The following VASH1 variants were observed in gnomAD, a reference collection of about 807,000 sequenced individuals.
The protein encoded by VASH1 is vasohibin 1, also known as tubulinyl-Tyr carboxypeptidase 1.
A neutral mutation model predicts 35.0 loss-of-function variants in VASH1; 16 were observed. The ratio of observed to expected loss-of-function variants is 0.46; its 90% confidence interval spans 0.31 to 0.70. VASH1 has a LOEUF of 0.70. VASH1 is among the 30% of genes least tolerant of loss of function. The pLI is 0.05. For missense variants in VASH1, 505 were observed against 510.7 expected (o/e 0.99, Z 0.11); for synonymous variants, 214 against 200.9 (o/e 1.07, Z -0.55).
chr14:76,770,346 G>A (rs1893759505), intron 2 of VASH1, among the ~76,000 whole-genome samples: 2 of 132,256 alleles, frequency 1.5e-5, no homozygotes, highest in African/African-American at 5.9e-5. Context: ...GTGACTTGCT[G>A]GTGGGGTGGC....
At chr14:76,775,556 G>A (rs1893913369) in intron 4 of VASH1, among the ~76,000 whole-genome samples, 2 of 152,268 alleles carry the variant, frequency 1.3e-5, no homozygotes, top group South Asian at 2.1e-4. Flanking sequence ...AGTGAGGCAG[G>A]GGAGGGAAGG....
chr14:76,771,740 C>T (rs1221632024), intron 3 of VASH1, among the ~76,000 whole-genome samples: 2 of 152,204 alleles, frequency 1.3e-5, no homozygotes, highest in Non-Finnish European at 2.9e-5. Flanking sequence ...AGGGTCTGAG[C>T]ACAGGGAGCT....
Position 76,762,866 on chromosome 14 carries a change from C to T in VASH1, c.45C>T (p.Ala15=), listed in dbSNP as rs1163700127. ...KKVAGGGSSG[A]TPTSAAATAP... is the part of the protein sequence containing the mutation. ...TGGCTGGGGGTGGCAGCAGCGGTGC[C>T]ACTCCAACGTCCGCTGCGGCCACCG... Residue 15 remains alanine (A), a synonymous_variant, in exon 1 of 7, where the codon GCC becomes GCT. Coordinates refer to ENST00000167106, the MANE Select transcript of VASH1 (RefSeq NM_014909.5). 3 of 1,535,878 alleles carry T rather than the reference C, an allele frequency of 2.0e-6. No homozygotes were observed. Among genetic ancestry groups the T allele is most frequent in the Non-Finnish European group, 2.6e-6 (3 of 1,140,742 alleles).
In VASH1 at chr14:76,776,990, G is replaced by A. The variant is rs141245969; in HGVS notation, c.912+717G>A. Among the ~76,000 whole-genome samples the A allele has an allele frequency of 4.8e-3, 731 of 152,276 alleles. 4 individuals are homozygous for A. The highest frequency in any genetic ancestry group is 6.9e-3 in the Non-Finnish European group (467 of 68,004). On this transcript the variant is annotated intron_variant, in intron 5 of 6. Coordinates refer to ENST00000167106, the MANE Select transcript of VASH1 (RefSeq NM_014909.5). ...TGACAGCCCTGGGAGGCCAGCGGGC[G>A]GTAGGTGGTAGCTCCATTTTCAGGG...
intron 1 of VASH1, 73 bp from the exon 2 acceptor site, chr14:76,769,890 C>A: frequency 6.6e-7 from 1 of 1,520,520 alleles, no homozygotes; most frequent in Non-Finnish European, 9.1e-7. Context: ...TGGGGCCAGT[C>A]CTAGGTGTTT....
At chr14:76,778,110 T>C in intron 6 of VASH1, 39 bp downstream of exon 6, 2 of 1,360,650 alleles carry the variant, frequency 1.5e-6, no homozygotes, top group Non-Finnish European at 1.9e-6. Context: ...CCAAAGAGGG[T>C]TTTTTTCCTT....
In VASH1 at chr14:76,779,593, T is replaced by G. The variant is rs971348249; in HGVS notation, c.*575T>G. 1.6e-6 allele frequency: 1 copy of G among 636,614 alleles called. No homozygotes were observed. The highest frequency in any genetic ancestry group is 1.8e-5 in the South Asian group (1 of 55,010). The allele number at this position is 636,614 out of a possible 1,614,324, so 39.4% of individuals were successfully genotyped here. A position where few individuals can be genotyped will look rare whatever the true frequency, so the allele number is the denominator to read the frequency against. On this transcript the variant is annotated 3_prime_UTR_variant, in exon 7 of 7. Coordinates refer to ENST00000167106, the MANE Select transcript of VASH1 (RefSeq NM_014909.5). ...AACCAGGAGCTTGGCACAGGCCACATCTGCCCCAAGAGCATGAGCTCGTGG... is the reference window on the plus strand; with the variant it reads ...AACCAGGAGCTTGGCACAGGCCACAGCTGCCCCAAGAGCATGAGCTCGTGG...
chr14:76,782,999 C>G lies in VASH1; in HGVS notation c.*3981C>G, dbSNP rs1894158244. On this transcript the variant is annotated 3_prime_UTR_variant, in exon 7 of 7. Transcript: ENST00000167106. ...GTCTCCCCAGCTCCTGCTGTGTAGGCTGGGCAGAAACCACAACACGTAAGC... is the reference window on the plus strand; with the variant it reads ...GTCTCCCCAGCTCCTGCTGTGTAGGGTGGGCAGAAACCACAACACGTAAGC... The G allele has an allele frequency of 6.6e-6, 1 of 152,644 alleles. No individual in the cohort carries two copies. The highest frequency in any genetic ancestry group is 1.5e-5 in the Non-Finnish European group (1 of 68,072). 9.5% of individuals were successfully genotyped at this position (152,644 alleles called of 1,614,324 possible). A position where few individuals can be genotyped will look rare whatever the true frequency, so the allele number is the denominator to read the frequency against.
chr14:76,763,807 C>T (rs1171200739), intron 1 of VASH1, among the ~76,000 whole-genome samples: 1 of 152,130 alleles, frequency 6.6e-6, no homozygotes, highest in Non-Finnish European at 1.5e-5. Flanking sequence ...TCTGTGTTGG[C>T]TGTAACTCCT....
At chr14:76,767,798 G>A (rs576225919) in intron 1 of VASH1, among the ~76,000 whole-genome samples, 14 of 152,348 alleles carry the variant, frequency 9.2e-5, no homozygotes, top group African/African-American at 3.1e-4. Context: ...AGCTAGCCTC[G>A]GTGATGGTGG....
chr14:76,772,221 CA>C (rs2140181183), intron 3 of VASH1, among the ~76,000 whole-genome samples: 1 of 152,200 alleles, frequency 6.6e-6, no homozygotes, highest in South Asian at 2.1e-4. Flanking sequence ...GCCTGGGTGA[CA>C]GGGCGAGACT....
At chr14:76,772,753 C>T (rs977933943) in intron 3 of VASH1, among the ~76,000 whole-genome samples, 3 of 152,334 alleles carry the variant, frequency 2.0e-5, no homozygotes, top group East Asian at 1.9e-4. Context: ...GGGAAGAGAT[C>T]GATGCTGACG....
chr14:76,770,820 CAG>C (rs1445921739), intron 2 of VASH1, among the ~76,000 whole-genome samples: 1 of 152,218 alleles, frequency 6.6e-6, no homozygotes, highest in Non-Finnish European at 1.5e-5. Flanking sequence ...GTGGCTGGCT[CAG>C]GAGCAATTAA....
rs1368580155 is a variant in VASH1, at chr14:76,780,177, T to C, written c.*1159T>C. The C allele has an allele frequency of 6.5e-6, 1 of 153,364 alleles. No homozygotes were observed. The highest frequency in any genetic ancestry group is 1.4e-5 in the Non-Finnish European group (1 of 69,024). 9.5% of individuals were successfully genotyped at this position (153,364 alleles called of 1,614,324 possible). A position where few individuals can be genotyped will look rare whatever the true frequency, so the allele number is the denominator to read the frequency against. ...GGGAAAGTGAGAGGATGCGGAGAGGTTGGCAGAGCCAGGGGTAGGTTCTGG... is the reference window on the plus strand; with the variant it reads ...GGGAAAGTGAGAGGATGCGGAGAGGCTGGCAGAGCCAGGGGTAGGTTCTGG... On this transcript the variant is annotated 3_prime_UTR_variant, in exon 7 of 7. Transcript: ENST00000167106.
intron 6 of VASH1, 80 bp from the exon 7 acceptor site, chr14:76,778,866 G>A: frequency 7.2e-7 from 1 of 1,386,112 alleles, no homozygotes; most frequent in Non-Finnish European, 1.0e-6. Flanking sequence ...AAGCCACCAG[G>A]CAGCCGCTGC....
chr14:76,781,970 T>C lies in VASH1; in HGVS notation c.*2952T>C. 1 of 152,698 alleles carries C rather than the reference T, an allele frequency of 6.5e-6. No individual in the cohort carries two copies. The highest frequency in any genetic ancestry group is 1.5e-5 in the Non-Finnish European group (1 of 68,310). 9.5% of individuals were successfully genotyped at this position (152,698 alleles called of 1,614,324 possible). A position where few individuals can be genotyped will look rare whatever the true frequency, so the allele number is the denominator to read the frequency against. ...ATCCCAGCTCCCCCCAGTTCAGGAC[T>C]GTCTTTCAGCTCCTTTGCCCCTGGA... On this transcript the variant is annotated 3_prime_UTR_variant, in exon 7 of 7. Transcript: ENST00000167106.
intron 6 of VASH1, 120 bp downstream of exon 6, chr14:76,778,191 AAGGGAGG>A (rs1894001020): frequency 1.4e-6 from 1 of 713,878 alleles, no homozygotes; most frequent in Admixed American, 4.3e-5. Flanking sequence ...GCTCCCACCC[AAGGGAGG>A]TGACTTGGGA....
chr14:76,772,999 C>T (rs2140182120), intron 3 of VASH1, 138 bp from the exon 4 acceptor site: 1 of 725,798 alleles, frequency 1.4e-6, no homozygotes, highest in Non-Finnish European at 2.2e-6. Flanking sequence ...GAGGGAGGTG[C>T]TGGGCCTGAG....
At chr14:76,776,325 C>T (rs1434573817) in intron 5 of VASH1, 52 bp downstream of exon 5, 1 of 1,479,764 alleles carries the variant, frequency 6.8e-7, no homozygotes. Context: ...TCCCCCGCCC[C>T]AGCAGAGGCG....
Sources: gnomAD v4.1 joint callset for allele counts (sites outside exome capture counted in the v4.1 genomes callset) on GRCh38, gnomAD v4.1.1 for gene constraint, MANE v1.5 for transcripts, NCBI Gene and HGNC (gene_info 2026-07-23, HGNC 2026-07-21) for gene names.